CACNA2D1: variants seen among roughly 807,000 people sequenced by gnomAD.
The protein encoded by CACNA2D1 is voltage-dependent calcium channel subunit alpha-2/delta-1.
A neutral mutation model predicts 171.5 loss-of-function variants in CACNA2D1; 53 were observed. That is an observed-to-expected ratio of 0.31 (90% CI 0.25 to 0.39). The LOEUF (loss-of-function observed/expected upper bound fraction) is 0.39. Among genes scored for constraint, CACNA2D1 ranks in the 10% least tolerant of loss-of-function variants. The pLI, the probability that CACNA2D1 is intolerant of heterozygous loss-of-function variation, is 1.00. For synonymous variants in CACNA2D1, 442 were observed against 443.1 expected (o/e 1.00, Z 0.03); for missense variants, 903 against 1,299.8 (o/e 0.69, Z 4.69).
Position 81,962,490 on chromosome 7 carries a change from A to G in CACNA2D1, c.2786T>C (p.Ile929Thr), listed in dbSNP as rs771774107. Residue 929 changes from isoleucine to threonine, a missense_variant, in exon 35 of 39, where the codon ATT becomes ACT. Physicochemically the swap from Ile to Thr is moderately conservative, Grantham distance 89. Coordinates refer to ENST00000356860, the MANE Select transcript of CACNA2D1 (RefSeq NM_000722.4). ...GWWATAAAWS[I>T]LQQFLLSLTF... is the part of the protein sequence containing the mutation. ...CAAACTCAAGAGAAACTGCTGTAGA[A>G]TAGACCTGAATTTTTCAAATAAAAA... 6.3e-7 allele frequency: 1 copy of G among 1,591,088 alleles called. No homozygotes were observed. The highest frequency in any genetic ancestry group is 1.1e-5 in the South Asian group (1 of 87,604).
chr7:82,064,863 C>A (rs1807410570), intron 8 of CACNA2D1, among the ~76,000 whole-genome samples: 1 of 152,158 alleles, frequency 6.6e-6, no homozygotes, highest in Non-Finnish European at 1.5e-5. Flanking sequence ...TTCAATGGCT[C>A]TCAAACTTTA....
At chr7:81,984,608 C>A (rs754931879) in intron 22 of CACNA2D1, 27 bp downstream of exon 22, 1 of 1,295,546 alleles carries the variant, frequency 7.7e-7, no homozygotes, top group South Asian at 1.2e-5. Context: ...AACAAATGGA[C>A]CCTGAAGTCA....
rs118148626 is a variant in CACNA2D1, at chr7:82,100,724, T to G, written c.527-15824A>C. Among the ~76,000 whole-genome samples, 618 of 152,262 alleles carry G rather than the reference T, an allele frequency of 4.1e-3. 3 individuals are homozygous for G. The highest frequency in any genetic ancestry group is 6.0e-3 in the Non-Finnish European group (411 of 67,976). On this transcript the variant is annotated intron_variant, in intron 6 of 38. Transcript: ENST00000356860. ...ATTTATGCCAAGTAAAACAGAGATTTAGTAGAAGATTTGAAATGGTATTCT... is the reference window on the plus strand; with the variant it reads ...ATTTATGCCAAGTAAAACAGAGATTGAGTAGAAGATTTGAAATGGTATTCT...
At chr7:82,079,460 G>A (rs958964766) in intron 7 of CACNA2D1, among the ~76,000 whole-genome samples, 3 of 152,114 alleles carry the variant, frequency 2.0e-5, no homozygotes, top group Admixed American at 6.5e-5. Context: ...GGGAGGCTGA[G>A]GCAGGTGGAT....
At chr7:82,179,218 T>G (rs773284224) in intron 3 of CACNA2D1, among the ~76,000 whole-genome samples, 1 of 152,026 alleles carries the variant, frequency 6.6e-6, no homozygotes, top group Non-Finnish European at 1.5e-5. Context: ...AATTTTAGAT[T>G]CTAAAATTCT....
intron 1 of CACNA2D1, among the ~76,000 whole-genome samples, chr7:82,423,005 A>G (rs1234364438): frequency 6.6e-6 from 1 of 152,168 alleles, no homozygotes; most frequent in Non-Finnish European, 1.5e-5. Context: ...TGAACATCTG[A>G]ACCAAACTTA....
chr7:82,440,977 A>C (rs1359411228), intron 1 of CACNA2D1, among the ~76,000 whole-genome samples: 1 of 151,886 alleles, frequency 6.6e-6, no homozygotes, highest in South Asian at 2.1e-4. Flanking sequence ...CAAAAAAAAA[A>C]ACCCAAAAAT....
At chr7:81,986,338 C>T (rs751624204) in intron 21 of CACNA2D1, among the ~76,000 whole-genome samples, 5 of 151,890 alleles carry the variant, frequency 3.3e-5, no homozygotes, top group African/African-American at 4.8e-5. Context: ...TTGAGTATTT[C>T]CAGGCATGTG....
chr7:82,060,190 T>TA (rs1491114373), intron 10 of CACNA2D1, among the ~76,000 whole-genome samples: 10 of 13,138 alleles, frequency 7.6e-4, no homozygotes, highest in South Asian at 4.4e-3. Context: ...TATATATATA[T>TA]TATATATATA....
At chr7:82,018,449 T>C (rs1800775325) in intron 12 of CACNA2D1, among the ~76,000 whole-genome samples, 1 of 152,158 alleles carries the variant, frequency 6.6e-6, no homozygotes, top group South Asian at 2.1e-4. Flanking sequence ...TGTCTTGCAT[T>C]TTGCAATTTG....
At chr7:82,393,477 A>G (rs888640048) in intron 1 of CACNA2D1, among the ~76,000 whole-genome samples, 1 of 152,258 alleles carries the variant, frequency 6.6e-6, no homozygotes, top group Non-Finnish European at 1.5e-5. Context: ...TTGAAATTAG[A>G]AAATGGGATT....
chr7:82,185,524 GAGGA>G, intron 3 of CACNA2D1, among the ~76,000 whole-genome samples: 2 of 41,398 alleles, frequency 4.8e-5, no homozygotes, highest in Non-Finnish European at 4.9e-5. Context: ...GGAGGGGGAG[GAGGA>G]GGAGGGGGAG....
At chr7:82,100,821 T>C (rs1016948099) in intron 6 of CACNA2D1, among the ~76,000 whole-genome samples, 1 of 130,028 alleles carries the variant, frequency 7.7e-6, no homozygotes, top group Non-Finnish European at 1.7e-5. Context: ...TTTCCTGAAC[T>C]TTTTAACTTT....
intron 1 of CACNA2D1, among the ~76,000 whole-genome samples, chr7:82,370,508 T>G (rs1822266667): frequency 6.6e-6 from 1 of 151,510 alleles, no homozygotes; most frequent in South Asian, 2.1e-4. Flanking sequence ...AAACAAAATT[T>G]TTTAAATATT....
At chr7:81,950,595 C>A (rs1792405590) in intron 38 of CACNA2D1, 87 bp from the exon 39 acceptor site, 2 of 1,500,740 alleles carry the variant, frequency 1.3e-6, no homozygotes, top group Non-Finnish European at 8.9e-7. Flanking sequence ...TCAGAGTAAT[C>A]CATATTTAGT....
intron 3 of CACNA2D1, among the ~76,000 whole-genome samples, chr7:82,184,453 G>C (rs1156629704): frequency 1.3e-5 from 2 of 151,684 alleles, no homozygotes; most frequent in African/African-American, 2.4e-5. Context: ...ATATTCAGTA[G>C]CTCTTTAGTT....
At chr7:82,378,214 A>C (rs2129448981) in intron 1 of CACNA2D1, among the ~76,000 whole-genome samples, 1 of 152,222 alleles carries the variant, frequency 6.6e-6, no homozygotes, top group Admixed American at 6.5e-5. Flanking sequence ...CCTGGGCAAC[A>C]TTGTGAGACC....
At chr7:82,074,290 G>A (rs1052859875) in intron 7 of CACNA2D1, among the ~76,000 whole-genome samples, 6 of 152,014 alleles carry the variant, frequency 3.9e-5, no homozygotes. Flanking sequence ...GCAGTGGTAC[G>A]ATCTAGGCTC....
chr7:82,389,749 G>C (rs949281603), intron 1 of CACNA2D1, among the ~76,000 whole-genome samples: 3 of 152,054 alleles, frequency 2.0e-5, no homozygotes, highest in Non-Finnish European at 4.4e-5. Context: ...CTGGGTTATG[G>C]GGAGAATAAT....
Sources: allele counts gnomAD v4.1 joint callset (sites outside exome capture counted in the v4.1 genomes callset), GRCh38; gene constraint gnomAD v4.1.1; transcripts MANE v1.5; gene names NCBI Gene and HGNC (gene_info 2026-07-23, HGNC 2026-07-21).